The following AKAP6 variants were observed in gnomAD, a reference collection of about 807,000 sequenced individuals.
The protein encoded by AKAP6 is A-kinase anchor protein 6.
A neutral mutation model predicts 188.5 loss-of-function variants in AKAP6; 58 were observed. The observed-to-expected ratio is 0.31, with a 90% confidence interval of 0.25 to 0.38. The LOEUF (loss-of-function observed/expected upper bound fraction) is 0.38. AKAP6 is among the 10% of genes least tolerant of loss of function. AKAP6 has a pLI of 1.00. For missense variants in AKAP6, 2,710 were observed against 2,740.0 expected, an observed-to-expected ratio of 0.99 and a Z score of 0.24; for synonymous variants, 989 against 998.6, an observed-to-expected ratio of 0.99 and a Z score of 0.18.
chr14:32,445,654 G>A (rs1460094349), intron 2 of AKAP6, among the ~76,000 whole-genome samples: 2 of 152,134 alleles, frequency 1.3e-5, no homozygotes, highest in Non-Finnish European at 2.9e-5. Context: ...TAGGATTACA[G>A]GCGTGAGCCA....
intron 2 of AKAP6, among the ~76,000 whole-genome samples, chr14:32,476,341 A>G (rs1879064602): frequency 6.6e-6 from 1 of 152,198 alleles, no homozygotes; most frequent in South Asian, 2.1e-4. Context: ...GCACTTCCTT[A>G]CTGAGTTGAG....
Position 32,833,952 on chromosome 14 carries a change from C to T in AKAP6, c.*4147C>T, listed in dbSNP as rs533564822. The T allele has an allele frequency of 2.0e-4, 31 of 152,308 alleles. No individual in the cohort carries two copies. The highest frequency in any genetic ancestry group is 7.0e-4 in the African/African-American group (29 of 41,558). 9.4% of individuals were successfully genotyped at this position (152,308 alleles called of 1,614,324 possible). Reference sequence around the variant, plus strand: ...ATATTTCACCATATTTACTTCATCTCTGTATACACACACACTTTTTTGTAT... The same window carrying T: ...ATATTTCACCATATTTACTTCATCTTTGTATACACACACACTTTTTTGTAT... On this transcript the variant is annotated 3_prime_UTR_variant, in exon 14 of 14. Coordinates refer to ENST00000280979, the MANE Select transcript of AKAP6 (RefSeq NM_004274.5).
At chr14:32,718,109 GCTGAAATTCCTC>G (rs1449650336) in intron 9 of AKAP6, among the ~76,000 whole-genome samples, 1 of 152,138 alleles carries the variant, frequency 6.6e-6, no homozygotes, top group African/African-American at 2.4e-5. Flanking sequence ...ACCAAGCTAA[GCTGAAATTCCTC>G]CTGAAATTCT....
At chr14:32,581,090 G>C (rs1036492107) in intron 5 of AKAP6, among the ~76,000 whole-genome samples, 19 of 152,280 alleles carry the variant, frequency 1.2e-4, no homozygotes, top group African/African-American at 3.8e-4. Context: ...GCTGGGTCAA[G>C]TGGTATTTCT....
At chr14:32,725,184 G>T (rs925131501) in intron 9 of AKAP6, among the ~76,000 whole-genome samples, 2 of 151,816 alleles carry the variant, frequency 1.3e-5, no homozygotes, top group Non-Finnish European at 2.9e-5. Context: ...TTTCTTTTAA[G>T]GTCTCAGTTA....
rs1214721504 is a variant in AKAP6 at position 32,600,791 on chromosome 14, A to C, written c.2729A>C (p.Lys910Thr). The change falls in exon 7 of 14, where the codon AAG becomes ACG. Residue 910 changes from lysine (K) to threonine (T), a missense_variant and splice_region_variant. Physicochemically the swap from Lys to Thr is moderately conservative, Grantham distance 78. This residue lies in a region of AKAP6 where 2,473 missense variants were observed against 2,426.1 expected (regional missense o/e 1.02). Coordinates refer to ENST00000280979, the MANE Select transcript of AKAP6 (RefSeq NM_004274.5). ...VEDEEGTGSP[K>T]AEVQLCYLEA... ...GATGAGGAAGGGACTGGAAGCCCCA[A>C]GGTAAGTGGCTTGAAGTTTGCCTTA... 1 of 1,602,428 alleles carries C rather than the reference A, an allele frequency of 6.2e-7. No homozygotes were observed. The highest frequency in any genetic ancestry group is 2.2e-5 in the East Asian group (1 of 44,568).
At chr14:32,522,047 C>A (rs1166332463) in intron 2 of AKAP6, among the ~76,000 whole-genome samples, 1 of 152,286 alleles carries the variant, frequency 6.6e-6, no homozygotes, top group African/African-American at 2.4e-5. Context: ...CATCTACAAC[C>A]ATTTGATCTT....
intron 4 of AKAP6, among the ~76,000 whole-genome samples, chr14:32,569,076 T>C (rs1013042788): frequency 2.6e-5 from 4 of 152,186 alleles, no homozygotes; most frequent in African/African-American, 7.2e-5. Context: ...CCACTATAAA[T>C]AGTATTTGAA....
chr14:32,375,176 G>A (rs1888121197), intron 1 of AKAP6, among the ~76,000 whole-genome samples: 1 of 152,188 alleles, frequency 6.6e-6, no homozygotes, highest in African/African-American at 2.4e-5. Context: ...GGAAGTAGTG[G>A]AGGCAAAGGC....
In AKAP6 at chr14:32,548,809, T is replaced by C. The variant is rs1883323570; in HGVS notation, c.2346+1810T>C. On this transcript the variant is annotated intron_variant, in intron 4 of 13. Transcript: ENST00000280979. ...TAGTTTCTCCTTCGCCGGGAAACTA[T>C]AAGATAGGAGAGAAGAAAGAGTTCA... is the stretch of plus-strand genomic sequence containing the variant. 5.3e-5 allele frequency among the ~76,000 whole-genome samples: 8 copies of C among 152,212 alleles called. No homozygotes were observed. In the South Asian group the frequency reaches 1.7e-3, roughly 32 times the overall value.
chr14:32,376,986 C>A (rs530776424), intron 1 of AKAP6, among the ~76,000 whole-genome samples: 1 of 152,184 alleles, frequency 6.6e-6, no homozygotes, highest in Non-Finnish European at 1.5e-5. Context: ...TGAGCCACCG[C>A]GCCCAGCCTG....
chr14:32,683,547 T>C (rs559415009), intron 8 of AKAP6, among the ~76,000 whole-genome samples: 1 of 152,290 alleles, frequency 6.6e-6, no homozygotes, highest in South Asian at 2.1e-4. Flanking sequence ...CAGCATGTGA[T>C]ATTTATTTAG....
chr14:32,424,020 T>C (rs756547537), intron 1 of AKAP6, among the ~76,000 whole-genome samples: 67 of 152,198 alleles, frequency 4.4e-4, no homozygotes, highest in Non-Finnish European at 8.4e-4. Context: ...CTATCTTTTC[T>C]TTCTGGGCTA....
In AKAP6 at chr14:32,415,605, G is replaced by C. The variant is rs914835995; in HGVS notation, c.-34-17855G>C. Among the ~76,000 whole-genome samples, 4 of 151,968 alleles carry C rather than the reference G, an allele frequency of 2.6e-5. No homozygotes were observed. The East Asian group carries it at 7.7e-4, about 29-fold the overall frequency. ...AGGTATTAACTACATTCATCGTATC[G>C]TGCAGCCATCACCACCATTTATCTT... On this transcript the variant is annotated intron_variant, in intron 1 of 13. Transcript: ENST00000280979.
chr14:32,707,929 A>C (rs977218466), intron 9 of AKAP6, among the ~76,000 whole-genome samples: 4 of 151,690 alleles, frequency 2.6e-5, no homozygotes, highest in African/African-American at 9.7e-5. Context: ...TAGGGAAAGA[A>C]TAAGGCAGAG....
intron 4 of AKAP6, among the ~76,000 whole-genome samples, chr14:32,576,546 T>G (rs1454908563): frequency 6.6e-6 from 1 of 152,132 alleles, no homozygotes; most frequent in African/African-American, 2.4e-5. Context: ...CTTTCTACGC[T>G]TCCTTCCTTT....
chr14:32,430,212 GATAA>G (rs1369656428), intron 1 of AKAP6, among the ~76,000 whole-genome samples: 2 of 152,128 alleles, frequency 1.3e-5, no homozygotes, highest in Non-Finnish European at 2.9e-5. Flanking sequence ...GAAATCTCTG[GATAA>G]ATAACCCTAG....
chr14:32,612,212 G>A (rs527356305), intron 7 of AKAP6, among the ~76,000 whole-genome samples: 2 of 152,166 alleles, frequency 1.3e-5, no homozygotes, highest in East Asian at 3.9e-4. Context: ...TTTCATCGTG[G>A]TTTTGAATTT....
intron 2 of AKAP6, among the ~76,000 whole-genome samples, chr14:32,443,660 A>G (rs1890664059): frequency 6.6e-6 from 1 of 152,104 alleles, no homozygotes; most frequent in Non-Finnish European, 1.5e-5. Flanking sequence ...ATTTAAATAC[A>G]CTTTTTTTTC....
Sources: allele counts gnomAD v4.1 joint callset (sites outside exome capture counted in the v4.1 genomes callset), GRCh38; gene constraint gnomAD v4.1.1; regional missense constraint gnomAD v4.1.1; transcripts MANE v1.5; gene names NCBI Gene and HGNC (gene_info 2026-07-23, HGNC 2026-07-21).